The following TFDP2 variants were observed in gnomAD, a reference collection of about 807,000 sequenced individuals.
TFDP2 encodes transcription factor Dp-2 (E2F dimerization partner 2).
A neutral mutation model predicts 59.3 loss-of-function variants in TFDP2; 17 were observed. That is an observed-to-expected ratio of 0.29 (90% CI 0.20 to 0.43). The LOEUF (loss-of-function observed/expected upper bound fraction) is 0.43. TFDP2 is among the 20% of genes least tolerant of loss of function. The probability of loss-of-function intolerance (pLI) is 1.00; values close to 1 mark genes in which losing one functional copy is unlikely to be tolerated. For missense variants in TFDP2, 391 were observed against 528.8 expected, an observed-to-expected ratio of 0.74 and a Z score of 2.56; for synonymous variants, 180 against 194.7, an observed-to-expected ratio of 0.92 and a Z score of 0.63.
In TFDP2 at chr3:141,987,854, G is replaced by A. The variant is rs544144126; in HGVS notation, c.356+5684C>T. ...CTCCGAAGGCTGAGGCAGGAGAATC[G>A]CTTAAACTCAGGAGGCAGTGGTTGC... On this transcript the variant is annotated intron_variant, in intron 6 of 12. Coordinates refer to ENST00000489671, the MANE Select transcript of TFDP2 (RefSeq NM_001178139.2). 1.1e-4 allele frequency among the ~76,000 whole-genome samples: 17 copies of A among 150,924 alleles called. No individual in the cohort carries two copies. In the East Asian group the frequency reaches 3.1e-3, roughly 28 times the overall value.
intron 3 of TFDP2, among the ~76,000 whole-genome samples, chr3:142,062,756 A>G (rs2059962413): frequency 6.6e-6 from 1 of 151,192 alleles, no homozygotes; most frequent in Non-Finnish European, 1.5e-5. Context: ...CAAATGCCCA[A>G]TAACATTAAA....
chr3:142,015,555 T>C (rs1258550331), intron 3 of TFDP2, among the ~76,000 whole-genome samples: 1 of 152,168 alleles, frequency 6.6e-6, no homozygotes, highest in Non-Finnish European at 1.5e-5. Flanking sequence ...ATCTTTAAAA[T>C]ACAGCTTGAA....
At chr3:141,959,519 T>G (rs1002940423) in intron 11 of TFDP2, among the ~76,000 whole-genome samples, 155 bp downstream of exon 11, 2 of 152,182 alleles carry the variant, frequency 1.3e-5, no homozygotes, top group African/African-American at 4.8e-5. Flanking sequence ...TTTAATCTAA[T>G]TTTTGAAAAA....
chr3:142,011,632 GA>G (rs753672573), intron 3 of TFDP2, among the ~76,000 whole-genome samples: 3,254 of 124,306 alleles, frequency 0.026, 112 homozygotes, highest in African/African-American at 0.083. Flanking sequence ...GGAAAACAAG[GA>G]AAAAAAAAAA....
At chr3:142,065,093 G>C (rs890788308) in intron 3 of TFDP2, among the ~76,000 whole-genome samples, 2 of 152,084 alleles carry the variant, frequency 1.3e-5, no homozygotes, top group African/African-American at 4.8e-5. Flanking sequence ...AACTCGCTGG[G>C]ATGAACTGGT....
chr3:141,973,732 A>G, intron 8 of TFDP2, among the ~76,000 whole-genome samples: 1 of 151,292 alleles, frequency 6.6e-6, no homozygotes, highest in East Asian at 1.9e-4. Context: ...TCATCAAATA[A>G]GATACCATTT....
chr3:142,088,299 C>T (rs546422375), intron 3 of TFDP2, among the ~76,000 whole-genome samples: 9 of 152,014 alleles, frequency 5.9e-5, no homozygotes, highest in African/African-American at 2.2e-4. Flanking sequence ...ATAACGCAAC[C>T]CTGGAGCAGT....
At chr3:141,972,670 C>T (rs1289705203) in intron 8 of TFDP2, among the ~76,000 whole-genome samples, 1 of 152,188 alleles carries the variant, frequency 6.6e-6, no homozygotes, top group African/African-American at 2.4e-5. Flanking sequence ...CCTCCCTCAG[C>T]CCTCTTTGCA....
intron 4 of TFDP2, among the ~76,000 whole-genome samples, chr3:142,001,281 G>A (rs1185981407): frequency 1.3e-5 from 2 of 152,180 alleles, no homozygotes; most frequent in African/African-American, 4.8e-5. Context: ...CCCTCTAGAG[G>A]AGCAGCCACT....
At chr3:141,997,767 T>C (rs928245964) in intron 4 of TFDP2, among the ~76,000 whole-genome samples, 5 of 146,994 alleles carry the variant, frequency 3.4e-5, no homozygotes, top group African/African-American at 5.1e-5. Context: ...GGACAATCAC[T>C]TGAACCCAGG....
chr3:142,098,012 C>T (rs1367623846), intron 2 of TFDP2, among the ~76,000 whole-genome samples: 1 of 152,074 alleles, frequency 6.6e-6, no homozygotes, highest in African/African-American at 2.4e-5. Context: ...AGGCTGGTCT[C>T]GAACTCCTGA....
chr3:141,994,997 A>G, intron 5 of TFDP2, 23 bp downstream of exon 5: 1 of 1,526,250 alleles, frequency 6.6e-7, no homozygotes, highest in South Asian at 1.4e-5. Flanking sequence ...GGTTTTAAAA[A>G]TAGTAACTTG....
chr3:142,098,489 T>A (rs1576978450), intron 2 of TFDP2, among the ~76,000 whole-genome samples: 1 of 151,948 alleles, frequency 6.6e-6, no homozygotes, highest in Non-Finnish European at 1.5e-5. Context: ...AGTAAGACAA[T>A]TAATCTTAGA....
chr3:142,132,164 T>C (rs905477777), intron 1 of TFDP2, among the ~76,000 whole-genome samples: 1 of 150,304 alleles, frequency 6.7e-6, no homozygotes, highest in African/African-American at 2.5e-5. Flanking sequence ...GGGATGATTA[T>C]TGATATACTC....
intron 10 of TFDP2, among the ~76,000 whole-genome samples, chr3:141,961,307 G>A (rs1021733112): frequency 3.6e-5 from 5 of 138,138 alleles, no homozygotes; most frequent in Non-Finnish European, 7.6e-5. Context: ...GCAGTGGCAC[G>A]ATCTCGGCTC....
intron 2 of TFDP2, among the ~76,000 whole-genome samples, chr3:142,099,948 T>C (rs2061271721): frequency 6.6e-6 from 1 of 152,132 alleles, no homozygotes; most frequent in Admixed American, 6.6e-5. Context: ...TACTGAGAAG[T>C]CTCTAACTTC....
chr3:142,005,911 A>G (rs1944171562), intron 3 of TFDP2, among the ~76,000 whole-genome samples: 1 of 149,336 alleles, frequency 6.7e-6, no homozygotes, highest in Non-Finnish European at 1.5e-5. Flanking sequence ...GATCTTTAAT[A>G]GACATAACAG....
intron 1 of TFDP2, among the ~76,000 whole-genome samples, chr3:142,142,131 C>A (rs991781409): frequency 6.6e-6 from 1 of 151,994 alleles, no homozygotes; most frequent in African/African-American, 2.4e-5. Context: ...ATAAAGGGCA[C>A]CCAAATTGGA....
In TFDP2 at chr3:142,149,435, T is replaced by G. The variant is rs991872470; in HGVS notation, c.-345A>C. 15 of 380,414 alleles carry G rather than the reference T, an allele frequency of 3.9e-5. No homozygotes were observed. The highest frequency in any genetic ancestry group is 7.0e-5 in the Non-Finnish European group (15 of 214,828). The allele number at this position is 380,414 out of a possible 1,614,324, so 23.6% of individuals were successfully genotyped here. A position where few individuals can be genotyped will look rare whatever the true frequency, so the allele number is the denominator to read the frequency against. ...GGGCGCGCCCCGCGGGCCGGGCAGC[T>G]GCGGCAGCGCCGCAGCCGAGATCGC... On this transcript the variant is annotated 5_prime_UTR_variant, in exon 1 of 13. Transcript: ENST00000489671.
Sources: allele counts gnomAD v4.1 joint callset (sites outside exome capture counted in the v4.1 genomes callset), GRCh38; gene constraint gnomAD v4.1.1; transcripts MANE v1.5; gene names NCBI Gene and HGNC (gene_info 2026-07-23, HGNC 2026-07-21).